INSYN2B: variants seen among roughly 807,000 people sequenced by gnomAD.
INSYN2B encodes the protein protein INSYN2B.
A neutral mutation model predicts 41.2 loss-of-function variants in INSYN2B; 16 were observed. The ratio of observed to expected loss-of-function variants is 0.39; its 90% CI spans 0.26 to 0.59. INSYN2B has a LOEUF of 0.59. Ranked by LOEUF, INSYN2B falls within the 20% of genes least tolerant of loss-of-function variation. The pLI is 0.57. For missense variants in INSYN2B, 608 were observed against 646.4 expected (o/e 0.94, Z 0.64); for synonymous variants, 245 against 244.4 (o/e 1.00, Z -0.02).
At chr5:169,965,198 T>A (rs1165998248) in intron 1 of INSYN2B, among the ~76,000 whole-genome samples, 2 of 152,200 alleles carry the variant, frequency 1.3e-5, no homozygotes, top group Non-Finnish European at 1.5e-5. Flanking sequence ...ACCCACTGTG[T>A]GCTAAGGCAA....
chr5:169,881,185 G>T (rs1171515246), intron 3 of INSYN2B, among the ~76,000 whole-genome samples, 183 bp downstream of exon 3: 1 of 152,196 alleles, frequency 6.6e-6, no homozygotes, highest in East Asian at 1.9e-4. Context: ...AAAAGGGTAT[G>T]CTCATAGACT....
At position 169,861,608 on chromosome 5, in the gene INSYN2B, T is replaced by C. The variant is rs183712908; in HGVS notation, c.*2665A>G. ...CAGATAACCTCAAGTACAGCATTTC[T>C]GTAGAATATCATGGTAGATGTTACG... is the stretch of plus-strand genomic sequence containing the variant. On this transcript the variant is annotated 3_prime_UTR_variant, in exon 4 of 4. Transcript: ENST00000377365. Among the ~76,000 whole-genome samples, 6 of 152,378 alleles carry C rather than the reference T, an allele frequency of 3.9e-5. No homozygotes were observed. The highest frequency in any genetic ancestry group is 6.5e-5 in the Admixed American group (1 of 15,308).
chr5:169,964,949 C>T (rs35137537), intron 1 of INSYN2B, among the ~76,000 whole-genome samples: 469 of 152,320 alleles, frequency 3.1e-3, no homozygotes, highest in Non-Finnish European at 5.2e-3. Flanking sequence ...TGCATATTGG[C>T]ATTCATATCT....
intron 1 of INSYN2B, among the ~76,000 whole-genome samples, chr5:169,895,557 C>A (rs75345097): frequency 6.6e-6 from 1 of 152,044 alleles, no homozygotes; most frequent in Non-Finnish European, 1.5e-5. Context: ...TAGGATCACA[C>A]TCCCTAAAGC....
chr5:169,861,346 G>A lies in INSYN2B; in HGVS notation c.*2927C>T, dbSNP rs958881775. ...AGTTTATTGCAAAAGATAATATCCC[G>A]TTTAAAACAGTTTAGAAATTTACAA... On this transcript the variant is annotated 3_prime_UTR_variant, in exon 4 of 4. Transcript: ENST00000377365. Among the ~76,000 whole-genome samples, 28 of 152,094 alleles carry A rather than the reference G, an allele frequency of 1.8e-4. No individual in the cohort carries two copies. Among genetic ancestry groups the A allele is most frequent in the African/African-American group, 3.4e-4 (14 of 41,392 alleles).
chr5:169,952,215 C>G (rs1776690729), intron 1 of INSYN2B, among the ~76,000 whole-genome samples: 1 of 152,162 alleles, frequency 6.6e-6, no homozygotes, highest in South Asian at 2.1e-4. Flanking sequence ...TCTAACCGAG[C>G]TTTTTTGCAT....
rs1771932745 is a variant in INSYN2B at position 169,871,013 on chromosome 5, C to T, written c.1422-6554G>A. Among the ~76,000 whole-genome samples, 11 of 152,310 alleles carry T rather than the reference C, an allele frequency of 7.2e-5. No homozygotes were observed. The South Asian group carries it at 2.3e-3, about 32-fold the overall frequency. Reference sequence around the variant, plus strand: ...GGCCCTCTTCCTGGTCTACAGACAGCTGTATTCCCTTGCTGTGTCCTCACG... The same window carrying T: ...GGCCCTCTTCCTGGTCTACAGACAGTTGTATTCCCTTGCTGTGTCCTCACG... On this transcript the variant is annotated intron_variant, in intron 3 of 3. Coordinates refer to ENST00000377365, the MANE Select transcript of INSYN2B (RefSeq NM_001129891.3).
intron 1 of INSYN2B, among the ~76,000 whole-genome samples, chr5:169,901,242 G>A (rs1274627743): frequency 6.6e-6 from 1 of 152,198 alleles, no homozygotes; most frequent in African/African-American, 2.4e-5. Context: ...TCTGATGCAA[G>A]AAAGGTATTT....
chr5:169,966,163 G>A (rs1044365590), intron 1 of INSYN2B, among the ~76,000 whole-genome samples: 1 of 152,206 alleles, frequency 6.6e-6, no homozygotes, highest in Non-Finnish European at 1.5e-5. Flanking sequence ...ATTATGGTAG[G>A]AGCATAATTG....
chr5:169,966,371 A>G (rs1177224954), intron 1 of INSYN2B, among the ~76,000 whole-genome samples: 1 of 152,216 alleles, frequency 6.6e-6, no homozygotes, highest in African/African-American at 2.4e-5. Flanking sequence ...GCTTTACCAC[A>G]TAACCCATTG....
At chr5:169,928,422 G>C (rs186759369) in intron 1 of INSYN2B, among the ~76,000 whole-genome samples, 1 of 152,214 alleles carries the variant, frequency 6.6e-6, no homozygotes, top group African/African-American at 2.4e-5. Flanking sequence ...CTGTTTTCAC[G>C]TAGTCAGGCA....
intron 1 of INSYN2B, among the ~76,000 whole-genome samples, chr5:169,924,716 G>T (rs913396755): frequency 1.3e-4 from 20 of 152,124 alleles, no homozygotes; most frequent in Non-Finnish European, 1.2e-4. Context: ...TTTGAAGGAG[G>T]GCTGAAAGTT....
chr5:169,882,495 C>T, intron 2 of INSYN2B, 58 bp downstream of exon 2: 1 of 1,402,838 alleles, frequency 7.1e-7, no homozygotes, highest in East Asian at 2.5e-5. Context: ...GTCTCTGCCC[C>T]TGTGTTGGCA....
chr5:169,886,854 T>C lies in INSYN2B; in HGVS notation c.-918-2038A>G, dbSNP rs145021211. On this transcript the variant is annotated intron_variant, in intron 1 of 3. Transcript: ENST00000377365. ...GAACGATAACTCACACAGGCTATGA[T>C]TGTCTGAGGCTGGTTTTCATAAGAG... 1.2e-4 allele frequency among the ~76,000 whole-genome samples: 18 copies of C among 152,354 alleles called. No homozygotes were observed. In the East Asian group the frequency reaches 3.3e-3, roughly 28 times the overall value.
rs549537882 is a variant in INSYN2B at position 169,934,086 on chromosome 5, A to G, written c.-919+46191T>C. On this transcript the variant is annotated intron_variant, in intron 1 of 3. Coordinates refer to ENST00000377365, the MANE Select transcript of INSYN2B (RefSeq NM_001129891.3). ...TGATCAGTGGTCACATTTGTAGCAC[A>G]CCTCATGTCTGTGGGAGGTAGCTGT... Among the ~76,000 whole-genome samples, 2 of 152,286 alleles carry G rather than the reference A, an allele frequency of 1.3e-5. 1 individual carries two copies. Among genetic ancestry groups the G allele is most frequent in the South Asian group, 4.1e-4 (2 of 4,828 alleles).
chr5:169,964,048 A>G lies in INSYN2B; in HGVS notation c.-919+16229T>C, dbSNP rs369828995. Among the ~76,000 whole-genome samples, 309 of 152,236 alleles carry G rather than the reference A, an allele frequency of 2.0e-3. 3 individuals carry two copies. Among genetic ancestry groups the G allele is most frequent in the Non-Finnish European group, 2.1e-3 (145 of 68,024 alleles). Reference sequence around the variant, plus strand: ...TGGGGGAGGGAGAAGGGGGAGGAGAATTAAAGAAAGGTTGAGGTACAAATA... The same window carrying G: ...TGGGGGAGGGAGAAGGGGGAGGAGAGTTAAAGAAAGGTTGAGGTACAAATA... On this transcript the variant is annotated intron_variant, in intron 1 of 3. Transcript: ENST00000377365.
At chr5:169,943,828 G>A (rs778854872) in intron 1 of INSYN2B, among the ~76,000 whole-genome samples, 9 of 152,274 alleles carry the variant, frequency 5.9e-5, no homozygotes, top group South Asian at 4.1e-4. Context: ...TGACTCTGAC[G>A]CTCATTAAGT....
At chr5:169,887,741 TAGA>T (rs1773052628) in intron 1 of INSYN2B, among the ~76,000 whole-genome samples, 2 of 152,358 alleles carry the variant, frequency 1.3e-5, no homozygotes, top group African/African-American at 4.8e-5. Context: ...AATAAATGCC[TAGA>T]AGAAGAATTA....
intron 1 of INSYN2B, among the ~76,000 whole-genome samples, chr5:169,933,960 T>G (rs1016883281): frequency 6.6e-6 from 1 of 152,206 alleles, no homozygotes; most frequent in Non-Finnish European, 1.5e-5. Flanking sequence ...TGTGCCTTTT[T>G]GTCTTTTTCT....
Sources: allele counts gnomAD v4.1 joint callset (sites outside exome capture counted in the v4.1 genomes callset), GRCh38; gene constraint gnomAD v4.1.1; transcripts MANE v1.5; gene names NCBI Gene and HGNC (gene_info 2026-07-23, HGNC 2026-07-21).